Variants in FBLN2 observed in about 807,000 individuals in gnomAD.
FBLN2 encodes fibulin 2, also known as fibulin-2.
In FBLN2, 81 loss-of-function variants were observed where a neutral mutation model predicts 123.7. That is an observed-to-expected ratio of 0.65 (90% CI 0.55 to 0.79). The LOEUF (loss-of-function observed/expected upper bound fraction) is 0.79, where lower values mean the gene tolerates loss of function less well. Ranked by LOEUF, FBLN2 falls within the 30% of genes least tolerant of loss-of-function variation. The pLI is 0.00. For missense variants in FBLN2, 1,603 were observed against 1,681.3 expected (o/e 0.95, Z 0.81); for synonymous variants, 699 against 701.4 (o/e 1.00, Z 0.05).
chr3:13,611,032 G>A (rs996606110), intron 4 of FBLN2, among the ~76,000 whole-genome samples: 10 of 152,032 alleles, frequency 6.6e-5, no homozygotes, highest in Non-Finnish European at 8.8e-5. Flanking sequence ...TCAGCCTCCC[G>A]AGTAGCTGGG....
At position 13,571,395 on chromosome 3, in the gene FBLN2, C is replaced by T. The variant is rs756221560; in HGVS notation, c.1040C>T (p.Thr347Met). The T allele has an allele frequency of 8.7e-6, 14 of 1,613,036 alleles. No individual in the cohort carries two copies. Among genetic ancestry groups the T allele is most frequent in the East Asian group, 2.2e-5 (1 of 44,828 alleles). ...AACCTCATCCTGGATGCCCAAGCCACGTCCCGCAGCACTGGGCCGGAGGGC... is the reference window on the plus strand; with the variant it reads ...AACCTCATCCTGGATGCCCAAGCCATGTCCCGCAGCACTGGGCCGGAGGGC... ...EENLILDAQA[T>M]SRSTGPEGVT... Residue 347 changes from threonine to methionine, a missense_variant, in exon 2 of 18, where the codon ACG (threonine) becomes ATG (methionine). Thr to Met is a moderately conservative substitution (Grantham distance 81, BLOSUM62 -1). Coordinates refer to ENST00000404922, the MANE Select transcript of FBLN2 (RefSeq NM_001004019.2).
chr3:13,562,592 T>C (rs1168270608), intron 1 of FBLN2, among the ~76,000 whole-genome samples: 1 of 152,182 alleles, frequency 6.6e-6, no homozygotes, highest in Non-Finnish European at 1.5e-5. Context: ...CCTGACCTCA[T>C]GATCCACCCG....
intron 9 of FBLN2, 119 bp downstream of exon 9, chr3:13,622,034 C>G: frequency 1.7e-6 from 2 of 1,184,604 alleles, no homozygotes; most frequent in East Asian, 2.6e-5. Context: ...GCTCTCAGCA[C>G]AGCCGGCATC....
intron 1 of FBLN2, among the ~76,000 whole-genome samples, chr3:13,561,210 A>G (rs1217265294): frequency 1.3e-5 from 2 of 152,170 alleles, no homozygotes; most frequent in Admixed American, 6.5e-5. Flanking sequence ...TTTGTACTTT[A>G]TGACTGGAAT....
intron 13 of FBLN2, 78 bp downstream of exon 13, chr3:13,629,370 C>T (rs945956176): frequency 6.8e-7 from 1 of 1,476,876 alleles, no homozygotes; most frequent in South Asian, 1.3e-5. Flanking sequence ...CCTCCCCATG[C>T]CCAGCACCTC....
At chr3:13,609,972 T>A (rs190701092) in intron 4 of FBLN2, among the ~76,000 whole-genome samples, 18 of 152,284 alleles carry the variant, frequency 1.2e-4, no homozygotes, top group Non-Finnish European at 2.2e-4. Context: ...ACGATGAATA[T>A]TTTAGCACCT....
intron 13 of FBLN2, 86 bp from the exon 14 acceptor site, chr3:13,629,734 C>T (rs959236281): frequency 1.3e-6 from 2 of 1,487,402 alleles, no homozygotes; most frequent in African/African-American, 1.4e-5. Flanking sequence ...CACTTAGCCT[C>T]CCCTTCGGCC....
At chr3:13,621,950 A>G in intron 9 of FBLN2, 35 bp downstream of exon 9, 2 of 1,602,260 alleles carry the variant, frequency 1.2e-6, no homozygotes, top group South Asian at 1.1e-5. Context: ...CCGCCGTCAC[A>G]GCTCTCCGCT....
rs747689829 is a variant in FBLN2 at position 13,571,418 on chromosome 3, G to A, written c.1063G>A (p.Gly355Ser). 1.9e-6 allele frequency: 3 copies of A among 1,613,034 alleles called. No homozygotes were observed. The highest frequency in any genetic ancestry group is 1.1e-5 in the South Asian group (1 of 90,798). ...QATSRSTGPE[G>S]VTHAPSLGKA... ...CACGTCCCGCAGCACTGGGCCGGAG[G>A]GCGTGACGCATGCACCGAGCCTGGG... Residue 355 changes from glycine to serine, a missense_variant, in exon 2 of 18, where the codon GGC (glycine) becomes AGC (serine). Transcript: ENST00000404922.
At chr3:13,620,247 G>C (rs1013135546) in intron 8 of FBLN2, among the ~76,000 whole-genome samples, 15 of 152,196 alleles carry the variant, frequency 9.9e-5, no homozygotes, top group Admixed American at 6.5e-4. Context: ...CTAACAAGGT[G>C]ATACGGATGC....
chr3:13,604,475 G>A (rs151158241), intron 2 of FBLN2, among the ~76,000 whole-genome samples: 3 of 152,226 alleles, frequency 2.0e-5, no homozygotes, highest in Non-Finnish European at 4.4e-5. Flanking sequence ...TCCCAGCACC[G>A]TTTATTAAAT....
In FBLN2 at chr3:13,570,991, G is replaced by T. The variant is rs368996190; in HGVS notation, c.636G>T (p.Leu212=). 1 of 1,607,030 alleles carries T rather than the reference G, an allele frequency of 6.2e-7. No individual in the cohort carries two copies. The highest frequency in any genetic ancestry group is 8.5e-7 in the Non-Finnish European group (1 of 1,177,038). Residue 212 remains leucine, a synonymous_variant, in exon 2 of 18, where the codon CTG becomes CTT. Coordinates refer to ENST00000404922, the MANE Select transcript of FBLN2 (RefSeq NM_001004019.2). ...EVAEVEAATA[L]GGEVQAGAVQ... ...CCGAGGTGGAAGCAGCAACAGCCCT[G>T]GGGGGTGAGGTCCAGGCGGGTGCAG...
At chr3:13,634,079 G>A (rs1706364249) in intron 16 of FBLN2, among the ~76,000 whole-genome samples, 1 of 151,774 alleles carries the variant, frequency 6.6e-6, no homozygotes, top group Non-Finnish European at 1.5e-5. Flanking sequence ...GGCCAGCTTT[G>A]AGCAGCACTC....
At position 13,571,201 on chromosome 3, in the gene FBLN2, G is replaced by A. The variant is rs765129516; in HGVS notation, c.846G>A (p.Glu282=). 4 of 1,565,612 alleles carry A rather than the reference G, an allele frequency of 2.6e-6. No homozygotes were observed. The highest frequency in any genetic ancestry group is 2.4e-5 in the East Asian group (1 of 42,468). Residue 282 remains glutamate (E), a synonymous_variant, in exon 2 of 18, where the codon GAG becomes GAA. Coordinates refer to ENST00000404922, the MANE Select transcript of FBLN2 (RefSeq NM_001004019.2). ...CCGAGGACAGTGAGGAGGAAGAAGA[G>A]GAGGAGGAGGAGAGAGAGGAAATGG... The part of the protein sequence containing the change: ...RVTEDSEEEE[E]EEEEREEMAV...
At chr3:13,567,798 G>C (rs201217866) in intron 1 of FBLN2, among the ~76,000 whole-genome samples, 1 of 51,000 alleles carries the variant, frequency 2.0e-5, no homozygotes, top group South Asian at 2.7e-3. Flanking sequence ...TGAGACCCTT[G>C]TTAAAAAAAA....
intron 11 of FBLN2, 140 bp downstream of exon 11, chr3:13,628,109 A>C: frequency 9.1e-7 from 1 of 1,098,950 alleles, no homozygotes; most frequent in Admixed American, 2.6e-5. Flanking sequence ...CCTACCTGTG[A>C]ATGGGCATGT....
Position 13,614,217 on chromosome 3 carries a change from T to C in FBLN2, c.1729+53T>C, listed in dbSNP as rs1705501528. ...CATATAGGGCGAAGGCTGGTTGACC[T>C]CTGGCCTTCTGTGGGGACCCTGGGT... On this transcript the variant is annotated intron_variant, in intron 5 of 17. Coordinates refer to ENST00000404922, the MANE Select transcript of FBLN2 (RefSeq NM_001004019.2). 5 of 1,553,564 alleles carry C rather than the reference T, an allele frequency of 3.2e-6. No homozygotes were observed. The East Asian group carries it at 6.8e-5, about 21-fold the overall frequency.
chr3:13,637,039 C>G (rs547771767), intron 17 of FBLN2, among the ~76,000 whole-genome samples: 86 of 152,310 alleles, frequency 5.6e-4, no homozygotes, highest in Middle Eastern at 3.4e-3. Flanking sequence ...AGCCCCTCCA[C>G]AAGGCTGCTT....
At chr3:13,612,163 T>C (rs1222074060) in intron 4 of FBLN2, among the ~76,000 whole-genome samples, 1 of 152,146 alleles carries the variant, frequency 6.6e-6, no homozygotes, top group African/African-American at 2.4e-5. Context: ...ACAACTAGTA[T>C]TAGTGAGAGG....
Sources: gnomAD v4.1 joint callset for allele counts (sites outside exome capture counted in the v4.1 genomes callset) on GRCh38, gnomAD v4.1.1 for gene constraint, MANE v1.5 for transcripts, NCBI Gene and HGNC (gene_info 2026-07-23, HGNC 2026-07-21) for gene names.